Variants in MAP3K4 observed in about 807,000 individuals in gnomAD.
The protein encoded by MAP3K4 is mitogen-activated protein kinase kinase kinase 4, also known as MAP three kinase 1.
MAP3K4 carries 67 observed loss-of-function variants against 185.6 expected under a neutral mutation model. The observed-to-expected ratio is 0.36, with a 90% CI of 0.30 to 0.44. The LOEUF (loss-of-function observed/expected upper bound fraction) is 0.44, where lower values mean the gene tolerates loss of function less well. MAP3K4 is among the 20% of genes least tolerant of loss of function. The pLI is 1.00. For missense variants in MAP3K4, 1,551 were observed against 1,995.1 expected (o/e 0.78, Z 4.24); for synonymous variants, 702 against 710.4 (o/e 0.99, Z 0.19).
intron 1 of MAP3K4, among the ~76,000 whole-genome samples, chr6:161,010,266 T>C (rs2115075753): frequency 6.6e-6 from 1 of 152,328 alleles, no homozygotes; most frequent in Non-Finnish European, 1.5e-5. Flanking sequence ...AATAAATCAG[T>C]AACTTTCTTT....
chr6:161,042,908 GCACACACACACACACA>G (rs58595402), intron 2 of MAP3K4, among the ~76,000 whole-genome samples: 5 of 149,482 alleles, frequency 3.3e-5, no homozygotes, highest in East Asian at 2.0e-4. Flanking sequence ...ATGAGAATTT[GCACACACACACACACA>G]CACACACACA....
chr6:160,998,136 A>G (rs774262512), intron 1 of MAP3K4, among the ~76,000 whole-genome samples: 1 of 152,206 alleles, frequency 6.6e-6, no homozygotes, highest in Non-Finnish European at 1.5e-5. Context: ...CCTCCCAAGT[A>G]GGTGGTACTA....
At position 161,103,080 on chromosome 6, in the gene MAP3K4, G is replaced by C. The variant is rs1215944393; in HGVS notation, c.3856+301G>C. Among the ~76,000 whole-genome samples the C allele has an allele frequency of 6.6e-6, 1 of 152,136 alleles. No homozygotes were observed. Among genetic ancestry groups the C allele is most frequent in the Non-Finnish European group, 1.5e-5 (1 of 68,030 alleles). ...CATGGTAGGAGTATAATAAACATTT[G>C]TGAAATAACCATTCATAAATTAGAC... On this transcript the variant is annotated intron_variant, in intron 19 of 26. Coordinates refer to ENST00000392142, the MANE Select transcript of MAP3K4 (RefSeq NM_005922.4). The surrounding 1 kb of genome is among the most constrained non-coding windows in gnomAD (Gnocchi z 4.6).
Position 161,048,010 on chromosome 6 carries a change from T to G in MAP3K4, c.344-606T>G, listed in dbSNP as rs2114758248. ...TTAAATTTAAAATGTTATTGCCCAC[T>G]TGTTTGTGGCAAAGGAGAAATAAAG... On this transcript the variant is annotated intron_variant, in intron 2 of 26. Coordinates refer to ENST00000392142, the MANE Select transcript of MAP3K4 (RefSeq NM_005922.4). The surrounding 1 kb of genome is among the most constrained non-coding windows in gnomAD (Gnocchi z 4.7). Among the ~76,000 whole-genome samples the G allele has an allele frequency of 6.6e-6, 1 of 152,342 alleles. No individual in the cohort carries two copies. The highest frequency in any genetic ancestry group is 2.1e-4 in the South Asian group (1 of 4,828).
chr6:161,024,388 A>G (rs574221519), intron 1 of MAP3K4, among the ~76,000 whole-genome samples: 6 of 152,010 alleles, frequency 3.9e-5, no homozygotes, highest in East Asian at 1.9e-4. Context: ...TGTCACGACT[A>G]ATGAACCAAT....
chr6:161,048,557 T>G lies in MAP3K4; in HGVS notation c.344-59T>G. On this transcript the variant is annotated intron_variant, in intron 2 of 26. Transcript: ENST00000392142. The surrounding 1 kb of genome is among the most constrained non-coding windows in gnomAD (Gnocchi z 4.7). ...TGAATACCAGTTTTATTGAAAATATTGAGAGTAGCTTCATATTTTAGAGTT... is the reference window on the plus strand; with the variant it reads ...TGAATACCAGTTTTATTGAAAATATGGAGAGTAGCTTCATATTTTAGAGTT... The G allele has an allele frequency of 5.3e-6, 6 of 1,121,964 alleles. No homozygotes were observed. The highest frequency in any genetic ancestry group is 7.5e-6 in the Non-Finnish European group (6 of 800,040). The allele number at this position is 1,121,964 out of a possible 1,614,324, so 69.5% of individuals were successfully genotyped here.
chr6:161,018,403 T>A (rs933644383), intron 1 of MAP3K4, among the ~76,000 whole-genome samples: 1 of 152,172 alleles, frequency 6.6e-6, no homozygotes, highest in African/African-American at 2.4e-5. Flanking sequence ...TACCAGTTGG[T>A]TGAAGTGGAA....
intron 1 of MAP3K4, among the ~76,000 whole-genome samples, chr6:161,029,445 T>C (rs1782820419): frequency 6.6e-6 from 1 of 152,228 alleles, no homozygotes; most frequent in Non-Finnish European, 1.5e-5. Flanking sequence ...CTCTAAAACC[T>C]ACACCAAACT....
rs1785708427 is a variant in MAP3K4 at position 161,086,266 on chromosome 6, G to A, written c.2373-113G>A. On this transcript the variant is annotated intron_variant, in intron 7 of 26. Transcript: ENST00000392142. This position sits in a 1 kb window ranked among gnomAD's most constrained non-coding sequence, Gnocchi z 4.8. ...TTTGTTCCCATTTAAAAAATCCTCA[G>A]TCTTTATTTATTACTGTGATTTGGA... 3 of 587,522 alleles carry A rather than the reference G, an allele frequency of 5.1e-6. No homozygotes were observed. The highest frequency in any genetic ancestry group is 3.3e-5 in the Admixed American group (1 of 30,200). The allele number at this position is 587,522 out of a possible 1,614,324, so 36.4% of individuals were successfully genotyped here.
Position 161,115,269 on chromosome 6 carries a change from C to A in MAP3K4, c.4773C>A (p.Thr1591=), listed in dbSNP as rs757842545. 1 of 1,613,946 alleles carries A rather than the reference C, an allele frequency of 6.2e-7. No individual in the cohort carries two copies. Among genetic ancestry groups the A allele is most frequent in the Admixed American group, 1.7e-5 (1 of 60,010 alleles). The change falls in exon 26 of 27, where the codon ACC becomes ACA. Residue 1591 remains threonine, a synonymous_variant. Transcript: ENST00000392142. This position sits in a 1 kb window ranked among gnomAD's most constrained non-coding sequence, Gnocchi z 6.0. ...CLESDPKMRW[T]ASQLLDHSFV... ...AGAGTGACCCAAAGATGAGATGGAC[C>A]GCCAGCCAGCTCCTCGACCATTCGT...
intron 1 of MAP3K4, among the ~76,000 whole-genome samples, chr6:161,024,716 G>A (rs112496830): frequency 0.04 from 6,149 of 152,144 alleles, 143 homozygotes; most frequent in Middle Eastern, 0.078. Flanking sequence ...TCAGGGGCAC[G>A]TGCTGTCAAC....
intron 6 of MAP3K4, 144 bp downstream of exon 6, chr6:161,081,182 A>T (rs1785437326): frequency 1.6e-5 from 14 of 862,818 alleles, no homozygotes; most frequent in Admixed American, 3.2e-5. Context: ...CCCTCTTCCA[A>T]GTTTTGAGTG....
At chr6:161,039,279 C>CAAAAA (rs3050259) in intron 2 of MAP3K4, among the ~76,000 whole-genome samples, 75 of 71,928 alleles carry the variant, frequency 1.0e-3, no homozygotes, top group South Asian at 2.4e-3. Context: ...CGCAAAAATG[C>CAAAAA]AAAAAAAAAA....
At chr6:161,046,536 ATAG>A (rs964222334) in intron 2 of MAP3K4, among the ~76,000 whole-genome samples, 7 of 151,356 alleles carry the variant, frequency 4.6e-5, no homozygotes, top group African/African-American at 1.5e-4. Context: ...AATAATAATA[ATAG>A]TAGTTTGTAT....
At chr6:161,059,529 T>A (rs530480094) in intron 3 of MAP3K4, among the ~76,000 whole-genome samples, 5 of 152,354 alleles carry the variant, frequency 3.3e-5, no homozygotes, top group African/African-American at 1.2e-4. Flanking sequence ...TTTATTTTGC[T>A]CATTTTCTGT....
chr6:161,097,086 A>G lies in MAP3K4; in HGVS notation c.3434A>G (p.His1145Arg), dbSNP rs1186270796. The change falls in exon 16 of 27, where the codon CAT becomes CGT. Residue 1145 changes from histidine (H) to arginine (R), a missense_variant. By Grantham distance (29) the His-to-Arg change is conservative. This residue lies in a region of MAP3K4 where 272 missense variants were observed against 301.2 expected (regional missense o/e 0.90). Transcript: ENST00000392142. The surrounding 1 kb of genome is among the most constrained non-coding windows in gnomAD (Gnocchi z 4.9). ...TTGCCATTTTTGCTGGCAGCCATTC[A>G]TCGGAACAGCCCCCGTCCTATGAAG... Reference protein sequence around the residue: ...SPVTGLYLAIHRNSPRPMKVP... With the variant: ...SPVTGLYLAIRRNSPRPMKVP... 3 of 1,613,794 alleles carry G rather than the reference A, an allele frequency of 1.9e-6. No individual in the cohort carries two copies. The highest frequency in any genetic ancestry group is 2.5e-6 in the Non-Finnish European group (3 of 1,179,872).
intron 2 of MAP3K4, among the ~76,000 whole-genome samples, chr6:161,042,908 G>GCACACACA (rs58595402): frequency 6.7e-6 from 1 of 149,386 alleles, no homozygotes; most frequent in African/African-American, 2.5e-5. Flanking sequence ...ATGAGAATTT[G>GCACACACA]CACACACACA....
Position 161,117,194 on chromosome 6 carries a change from A to G in MAP3K4, c.*324A>G. 6.8e-6 allele frequency: 2 copies of G among 294,210 alleles called. No homozygotes were observed. The highest frequency in any genetic ancestry group is 1.3e-5 in the Non-Finnish European group (2 of 159,350). The allele number at this position is 294,210 out of a possible 1,614,324, so 18.2% of individuals were successfully genotyped here. On this transcript the variant is annotated 3_prime_UTR_variant, in exon 27 of 27. Transcript: ENST00000392142. The stretch of plus-strand genomic sequence containing the variant: ...TAGTGTTTTGACCTTTCTAGGTTCA[A>G]AAGAAGTTGTAGTGTTATCAGGCGT...
rs541364529 is a variant in MAP3K4, at chr6:161,064,047, A to G, written c.1708-6561A>G. On this transcript the variant is annotated intron_variant, in intron 3 of 26. Transcript: ENST00000392142. The surrounding 1 kb of genome is among the most constrained non-coding windows in gnomAD (Gnocchi z 4.3). ...TTGCTGTCCTCATTGCTCCATTTTT[A>G]TGAGAGGGCGTTGAAGGGAAATTGA... is the stretch of plus-strand genomic sequence containing the variant. Among the ~76,000 whole-genome samples the G allele has an allele frequency of 6.5e-4, 99 of 152,006 alleles. No homozygotes were observed. The highest frequency in any genetic ancestry group is 2.2e-3 in the African/African-American group (92 of 41,424).
Sources: gnomAD v4.1 joint callset for allele counts (sites outside exome capture counted in the v4.1 genomes callset) on GRCh38, gnomAD v4.1.1 for gene constraint, gnomAD v4.1.1 regional missense constraint, Gnocchi (gnomAD v3.1) non-coding constraint, MANE v1.5 for transcripts, NCBI Gene and HGNC (gene_info 2026-07-23, HGNC 2026-07-21) for gene names.